Variants in PPP4R4 observed in about 807,000 individuals in gnomAD.
PPP4R4 encodes protein phosphatase 4 regulatory subunit 4.
A neutral mutation model predicts 121.8 loss-of-function variants in PPP4R4; 70 were observed. That is an observed-to-expected ratio of 0.57 (90% CI 0.47 to 0.70). The LOEUF is 0.70. Ranked by LOEUF, PPP4R4 falls within the 30% of genes least tolerant of loss-of-function variation. The pLI is 0.00. For synonymous variants in PPP4R4, 348 were observed against 355.7 expected (o/e 0.98, Z 0.24); for missense variants, 875 against 1,033.6 (o/e 0.85, Z 2.10).
rs1041544839 is a variant in PPP4R4, at chr14:94,201,694, A to C, written c.192-6770A>C. 4.6e-5 allele frequency among the ~76,000 whole-genome samples: 7 copies of C among 151,954 alleles called. No homozygotes were observed. In the South Asian group the frequency reaches 1.5e-3, roughly 32 times the overall value. ...ATATCTTTTTCTACCCCTTTACCTT[A>C]AGTTTATGTGAGTCCTTATGTGTGT... On this transcript the variant is annotated intron_variant, in intron 2 of 24. Transcript: ENST00000304338.
chr14:94,230,795 A>G (rs1891986347), intron 4 of PPP4R4, 61 bp downstream of exon 4: 2 of 1,495,118 alleles, frequency 1.3e-6, no homozygotes, highest in Non-Finnish European at 1.8e-6. Flanking sequence ...TATGGCCATG[A>G]TATTATATAA....
At chr14:94,258,937 C>A (rs746655746) in intron 18 of PPP4R4, 113 bp downstream of exon 18, 72 of 1,011,270 alleles carry the variant, frequency 7.1e-5, no homozygotes, top group Non-Finnish European at 9.5e-5. Flanking sequence ...ACTCACAGTT[C>A]CACGTGGCTG....
At chr14:94,245,731 G>A (rs1892859684) in intron 13 of PPP4R4, 61 bp downstream of exon 13, 1 of 1,182,618 alleles carries the variant, frequency 8.5e-7, no homozygotes. Context: ...TCTACAGGGT[G>A]TTTTGAGGCA....
At chr14:94,256,183 A>T (rs576849200) in intron 16 of PPP4R4, among the ~76,000 whole-genome samples, 1 of 152,232 alleles carries the variant, frequency 6.6e-6, no homozygotes. Flanking sequence ...TCTCCATAGC[A>T]TTTAACACTA....
At chr14:94,262,519 C>T (rs1249502427) in intron 19 of PPP4R4, among the ~76,000 whole-genome samples, 7 of 151,812 alleles carry the variant, frequency 4.6e-5, no homozygotes, top group Non-Finnish European at 8.8e-5. Flanking sequence ...TATATCATGT[C>T]ACTTAACAAT....
chr14:94,247,578 A>C (rs1892963632), intron 14 of PPP4R4, among the ~76,000 whole-genome samples: 1 of 152,182 alleles, frequency 6.6e-6, no homozygotes, highest in Non-Finnish European at 1.5e-5. Flanking sequence ...AGCCACCATC[A>C]CCCTGATACC....
chr14:94,199,513 A>G (rs956300433), intron 2 of PPP4R4, among the ~76,000 whole-genome samples: 1 of 152,016 alleles, frequency 6.6e-6, no homozygotes, highest in African/African-American at 2.4e-5. Flanking sequence ...CCTTATTGCA[A>G]GGTCAGAGGG....
intron 5 of PPP4R4, among the ~76,000 whole-genome samples, chr14:94,232,508 A>G (rs1008048174): frequency 6.6e-6 from 1 of 152,170 alleles, no homozygotes; most frequent in African/African-American, 2.4e-5. Context: ...TTTTTTTGAA[A>G]AGCAATATGC....
intron 19 of PPP4R4, among the ~76,000 whole-genome samples, chr14:94,259,835 T>G (rs1595536471): frequency 2.0e-5 from 3 of 152,330 alleles, no homozygotes; most frequent in East Asian, 1.9e-4. Flanking sequence ...TCCTGCATCT[T>G]TCTACCAACA....
chr14:94,235,149 C>A (rs1359808952), intron 7 of PPP4R4, among the ~76,000 whole-genome samples: 2 of 152,154 alleles, frequency 1.3e-5, no homozygotes, highest in East Asian at 3.9e-4. Flanking sequence ...GTACCTAATA[C>A]AATATAAATG....
At chr14:94,189,248 T>A (rs914244368) in intron 2 of PPP4R4, among the ~76,000 whole-genome samples, 1 of 152,222 alleles carries the variant, frequency 6.6e-6, no homozygotes, top group African/African-American at 2.4e-5. Flanking sequence ...CTGTAGATGT[T>A]GGTTTCTTCA....
chr14:94,181,421 CA>C (rs1184044907), intron 2 of PPP4R4, among the ~76,000 whole-genome samples: 1 of 152,154 alleles, frequency 6.6e-6, no homozygotes, highest in East Asian at 1.9e-4. Context: ...TTAGTTAATA[CA>C]AACAATTGGC....
At chr14:94,268,777 C>G (rs1224172392) in intron 23 of PPP4R4, among the ~76,000 whole-genome samples, 1 of 152,104 alleles carries the variant, frequency 6.6e-6, no homozygotes, top group Non-Finnish European at 1.5e-5. Flanking sequence ...GACTTATTCA[C>G]TATCACGAGA....
intron 24 of PPP4R4, among the ~76,000 whole-genome samples, chr14:94,277,998 T>C (rs1894733271): frequency 6.6e-6 from 1 of 152,088 alleles, no homozygotes; most frequent in Admixed American, 6.6e-5. Flanking sequence ...GAGTGCACAC[T>C]GCCACATGGC....
chr14:94,258,850 G>A, intron 18 of PPP4R4, 26 bp downstream of exon 18: 2 of 1,564,290 alleles, frequency 1.3e-6, no homozygotes, highest in Non-Finnish European at 1.8e-6. Context: ...TTACCTTATT[G>A]TGTTGGTCCA....
At chr14:94,243,445 G>A (rs1892733320) in intron 11 of PPP4R4, among the ~76,000 whole-genome samples, 1 of 152,126 alleles carries the variant, frequency 6.6e-6, no homozygotes, top group Admixed American at 6.6e-5. Flanking sequence ...ATGTCCACAT[G>A]TACTTGTTAG....
At chr14:94,197,971 T>C (rs1889974184) in intron 2 of PPP4R4, among the ~76,000 whole-genome samples, 1 of 152,226 alleles carries the variant, frequency 6.6e-6, no homozygotes, top group Non-Finnish European at 1.5e-5. Flanking sequence ...GATTGTTTTA[T>C]GTATTACAAA....
At chr14:94,275,303 C>A in intron 23 of PPP4R4, 71 bp from the exon 24 acceptor site, 1 of 1,518,928 alleles carries the variant, frequency 6.6e-7, no homozygotes, top group South Asian at 1.2e-5. Context: ...TATCATTAAC[C>A]TTTTCTTCTC....
chr14:94,213,331 C>A (rs1278683702), intron 3 of PPP4R4, among the ~76,000 whole-genome samples: 1 of 152,148 alleles, frequency 6.6e-6, no homozygotes, highest in Non-Finnish European at 1.5e-5. Context: ...CTCACTGAGT[C>A]TGTTGCTTCC....
Sources: allele counts gnomAD v4.1 joint callset (sites outside exome capture counted in the v4.1 genomes callset), GRCh38; gene constraint gnomAD v4.1.1; transcripts MANE v1.5; gene names NCBI Gene and HGNC (gene_info 2026-07-23, HGNC 2026-07-21).